SLC39A11: variants seen among roughly 807,000 people sequenced by gnomAD.
SLC39A11 encodes solute carrier family 39 member 11.
SLC39A11 carries 33 observed loss-of-function variants against 36.1 expected under a neutral mutation model. That is an observed-to-expected ratio of 0.91 (90% CI 0.69 to 1.22). The LOEUF (loss-of-function observed/expected upper bound fraction) is 1.22. SLC39A11 is among the 50% of genes most tolerant of loss of function. SLC39A11 has a pLI of 0.00. For missense variants in SLC39A11, 432 were observed against 430.3 expected, an observed-to-expected ratio of 1.00 and a Z score of -0.03; for synonymous variants, 166 against 170.3, an observed-to-expected ratio of 0.97 and a Z score of 0.20.
intron 4 of SLC39A11, among the ~76,000 whole-genome samples, chr17:72,987,089 G>A (rs777383020): frequency 1.5e-4 from 23 of 152,270 alleles, no homozygotes; most frequent in East Asian, 3.9e-4. Context: ...AGTAATGTGC[G>A]AGTTCTCACT....
chr17:73,079,849 C>T (rs1396353544), intron 3 of SLC39A11, among the ~76,000 whole-genome samples: 2 of 152,174 alleles, frequency 1.3e-5, no homozygotes, highest in Non-Finnish European at 2.9e-5. Context: ...TATACACCAA[C>T]AGCAATAAAG....
At chr17:72,746,272 C>A (rs1273075809) in intron 6 of SLC39A11, among the ~76,000 whole-genome samples, 1 of 152,102 alleles carries the variant, frequency 6.6e-6, no homozygotes, top group African/African-American at 2.4e-5. Context: ...GGCTGAACAT[C>A]CACATGTACA....
intron 6 of SLC39A11, among the ~76,000 whole-genome samples, chr17:72,785,544 G>C (rs577988069): frequency 1.2e-4 from 18 of 152,304 alleles, no homozygotes; most frequent in African/African-American, 4.3e-4. Context: ...TGTCACTTGA[G>C]CTCAAAGGTA....
chr17:72,927,273 G>A (rs1009562392), intron 5 of SLC39A11, among the ~76,000 whole-genome samples: 2 of 152,218 alleles, frequency 1.3e-5, no homozygotes, highest in African/African-American at 4.8e-5. Flanking sequence ...TGTTGGCCAG[G>A]CTGCTCTTGA....
At chr17:73,055,707 A>C (rs1010295404) in intron 3 of SLC39A11, among the ~76,000 whole-genome samples, 19 of 152,162 alleles carry the variant, frequency 1.2e-4, no homozygotes, top group Non-Finnish European at 2.5e-4. Context: ...TCCTGGGCTC[A>C]AACGATTCTC....
At chr17:72,919,055 T>A (rs1294199526) in intron 5 of SLC39A11, among the ~76,000 whole-genome samples, 1 of 152,058 alleles carries the variant, frequency 6.6e-6, no homozygotes, top group Non-Finnish European at 1.5e-5. Flanking sequence ...CCAGTGAGAC[T>A]CTGTCTCAAA....
intron 4 of SLC39A11, among the ~76,000 whole-genome samples, chr17:72,949,145 T>C (rs945743562): frequency 2.6e-5 from 1 of 38,472 alleles, no homozygotes; most frequent in South Asian, 1.1e-3. Flanking sequence ...ACTGGGCAGC[T>C]TTTTTTTTTT....
chr17:72,858,936 T>C (rs891870057), intron 5 of SLC39A11, among the ~76,000 whole-genome samples: 1 of 152,260 alleles, frequency 6.6e-6, no homozygotes, highest in Admixed American at 6.5e-5. Context: ...TCATGCCATA[T>C]GCAAACAGGA....
intron 4 of SLC39A11, among the ~76,000 whole-genome samples, chr17:73,003,319 A>C (rs1450708710): frequency 1.3e-5 from 2 of 152,244 alleles, no homozygotes; most frequent in African/African-American, 4.8e-5. Context: ...ACAGAAATTG[A>C]GTTGTGTGTG....
chr17:72,708,852 C>T (rs549635895), intron 7 of SLC39A11, among the ~76,000 whole-genome samples: 104 of 152,290 alleles, frequency 6.8e-4, no homozygotes, highest in African/African-American at 2.4e-3. Flanking sequence ...TTTGCTTCTG[C>T]GGCAGCACAC....
intron 4 of SLC39A11, among the ~76,000 whole-genome samples, chr17:72,992,561 C>T (rs1246959249): frequency 6.6e-6 from 1 of 152,084 alleles, no homozygotes; most frequent in Admixed American, 6.6e-5. Flanking sequence ...ATTCTGGACA[C>T]CAATATTTCA....
chr17:73,067,838 T>C, intron 3 of SLC39A11: 1 of 1,582,916 alleles, frequency 6.3e-7, no homozygotes, highest in South Asian at 1.1e-5. Context: ...AAAATCCATT[T>C]AATGTAGCAA....
chr17:72,852,283 C>A (rs144280666), intron 5 of SLC39A11, among the ~76,000 whole-genome samples: 1 of 145,966 alleles, frequency 6.9e-6, no homozygotes, highest in Non-Finnish European at 1.5e-5. Context: ...CCTACAAGTA[C>A]AGATTGAAAA....
intron 7 of SLC39A11, among the ~76,000 whole-genome samples, chr17:72,698,910 AAG>A (rs2072454825): frequency 6.6e-6 from 1 of 152,034 alleles, no homozygotes; most frequent in South Asian, 2.1e-4. Flanking sequence ...GGCTCACTGC[AAG>A]CTCTGCTTCC....
At chr17:72,975,274 A>C (rs1367052607) in intron 4 of SLC39A11, among the ~76,000 whole-genome samples, 3 of 152,074 alleles carry the variant, frequency 2.0e-5, no homozygotes, top group Non-Finnish European at 2.9e-5. Flanking sequence ...CCCTGTCCCT[A>C]CTAAATACAA....
chr17:72,952,103 A>G (rs1467688433), intron 4 of SLC39A11, among the ~76,000 whole-genome samples: 1 of 152,118 alleles, frequency 6.6e-6, no homozygotes, highest in Non-Finnish European at 1.5e-5. Flanking sequence ...TCCAACATTT[A>G]GCCTTCAGAA....
chr17:72,975,393 T>C (rs534758141), intron 4 of SLC39A11, among the ~76,000 whole-genome samples: 1 of 152,124 alleles, frequency 6.6e-6, no homozygotes, highest in Non-Finnish European at 1.5e-5. Flanking sequence ...GAGCCGAGAT[T>C]GTGCCATTGC....
In SLC39A11 at chr17:72,896,192, C is replaced by CTT. The variant is rs771180987; in HGVS notation, c.431-46390_431-46389dup. Among the ~76,000 whole-genome samples the CTT allele has an allele frequency of 7.2e-3, 535 of 74,630 alleles. 51 individuals are homozygous for CTT. The highest frequency in any genetic ancestry group is 0.02 in the African/African-American group (331 of 16,406). 49.0% of individuals were successfully genotyped at this position (74,630 alleles called of 152,430 possible). A position where few individuals can be genotyped will look rare whatever the true frequency, so the allele number is the denominator to read the frequency against. ...CATTTGGGGATTGTTCACATTAATCCTTTTTTTTTTTTTTTTTTTTTTTTT... is the reference window on the plus strand; with the variant it reads ...CATTTGGGGATTGTTCACATTAATCCTTTTTTTTTTTTTTTTTTTTTTTTTTT... On this transcript the variant is annotated intron_variant, in intron 5 of 9. Coordinates refer to ENST00000255559, the MANE Select transcript of SLC39A11 (RefSeq NM_139177.4).
rs149029814 is a variant in SLC39A11 at position 73,036,423 on chromosome 17, G to A, written c.148-4709C>T. ...ATGGCATTAACACCGAAGGGCCATC[G>A]TTTTTTTGTTTTGTTTTTTGTTTTT... On this transcript the variant is annotated intron_variant, in intron 3 of 9. Coordinates refer to ENST00000255559, the MANE Select transcript of SLC39A11 (RefSeq NM_139177.4). Among the ~76,000 whole-genome samples the A allele has an allele frequency of 4.8e-3, 705 of 147,052 alleles. 6 individuals carry two copies. Among genetic ancestry groups the A allele is most frequent in the African/African-American group, 0.018 (678 of 38,658 alleles).
Sources: allele counts gnomAD v4.1 joint callset (sites outside exome capture counted in the v4.1 genomes callset), GRCh38; gene constraint gnomAD v4.1.1; transcripts MANE v1.5; gene names NCBI Gene and HGNC (gene_info 2026-07-23, HGNC 2026-07-21).